The following GNG4 variants were observed in gnomAD, a reference collection of about 807,000 sequenced individuals.
The protein encoded by GNG4 is G protein subunit gamma 4.
GNG4 carries 4 observed loss-of-function variants against 5.8 expected under a neutral mutation model. The ratio of observed to expected loss-of-function variants is 0.69; its 90% confidence interval spans 0.34 to 1.57. The LOEUF is 1.57. Ranked by LOEUF, GNG4 falls within the 40% of genes most tolerant of loss-of-function variation. The probability of loss-of-function intolerance (pLI) is 0.06; values close to 1 mark genes in which losing one functional copy is unlikely to be tolerated. For synonymous variants in GNG4, 29 were observed against 32.9 expected (o/e 0.88, Z 0.41); for missense variants, 96 against 95.1 (o/e 1.01, Z -0.04).
rs549887893 is a variant in GNG4 at position 235,624,386 on chromosome 1, G to A, written c.-123+25276C>T. ...CTCAACCTCCCAAAGTGTTGAGATT[G>A]CAAGTGTGAGCCCCCGTGCCCGGCT... On this transcript the variant is annotated intron_variant, in intron 1 of 3. Coordinates refer to ENST00000391854, the MANE Select transcript of GNG4 (RefSeq NM_001098722.2). Among the ~76,000 whole-genome samples the A allele has an allele frequency of 7.2e-5, 11 of 151,962 alleles. No individual in the cohort carries two copies. In the South Asian group the frequency reaches 2.3e-3, roughly 32 times the overall value.
intron 3 of GNG4, among the ~76,000 whole-genome samples, chr1:235,561,055 G>A: frequency 6.6e-6 from 1 of 152,140 alleles, no homozygotes; most frequent in East Asian, 1.9e-4. Flanking sequence ...CTGTCGCCAG[G>A]CTGCAGTGCA....
At chr1:235,637,836 G>A (rs955785253) in intron 1 of GNG4, among the ~76,000 whole-genome samples, 6 of 152,210 alleles carry the variant, frequency 3.9e-5, no homozygotes, top group Admixed American at 2.0e-4. Flanking sequence ...AGGCGGCACA[G>A]TCTGTATGGG....
chr1:235,609,867 C>G (rs1688441666), intron 1 of GNG4, among the ~76,000 whole-genome samples: 1 of 151,544 alleles, frequency 6.6e-6, no homozygotes, highest in Non-Finnish European at 1.5e-5. Flanking sequence ...AGAGCGAGAC[C>G]CTGTCTCAAA....
At chr1:235,592,173 G>A (rs945195079) in intron 2 of GNG4, among the ~76,000 whole-genome samples, 1 of 152,118 alleles carries the variant, frequency 6.6e-6, no homozygotes, top group Non-Finnish European at 1.5e-5. Context: ...AGATGAGGGG[G>A]AACTGAGGAC....
intron 3 of GNG4, among the ~76,000 whole-genome samples, chr1:235,580,028 G>A (rs1417256309): frequency 2.0e-5 from 3 of 152,162 alleles, no homozygotes; most frequent in African/African-American, 7.2e-5. Flanking sequence ...TCCATCAATG[G>A]ATGAATGGAT....
At chr1:235,575,027 G>A (rs1339826042) in intron 3 of GNG4, among the ~76,000 whole-genome samples, 2 of 152,032 alleles carry the variant, frequency 1.3e-5, no homozygotes, top group Non-Finnish European at 2.9e-5. Flanking sequence ...ATTTCACCAC[G>A]TTGGCCAGGC....
At chr1:235,635,294 C>T (rs138669434) in intron 1 of GNG4, among the ~76,000 whole-genome samples, 62 of 151,854 alleles carry the variant, frequency 4.1e-4, no homozygotes, top group African/African-American at 1.4e-3. Flanking sequence ...GTCAGCAGTT[C>T]GAGACCAGCC....
At chr1:235,589,908 T>C (rs1251363231) in intron 2 of GNG4, among the ~76,000 whole-genome samples, 1 of 152,136 alleles carries the variant, frequency 6.6e-6, no homozygotes, top group Non-Finnish European at 1.5e-5. Flanking sequence ...CAGGCCATAT[T>C]TGTTGGGTCA....
At position 235,580,752 on chromosome 1, in the gene GNG4, T is replaced by G. The variant is rs568727145; in HGVS notation, c.99+2988A>C. Among the ~76,000 whole-genome samples the G allele has an allele frequency of 4.8e-3, 708 of 146,694 alleles. 13 individuals carry two copies. Among genetic ancestry groups the G allele is most frequent in the African/African-American group, 0.015 (612 of 39,568 alleles). On this transcript the variant is annotated intron_variant, in intron 3 of 3. Transcript: ENST00000391854. ...GCGGCCTATCCCGTTTTTTGTTTTT[T>G]TTTTTTTTTTTTTCCTGAGATGGGG...
At chr1:235,618,660 G>GTT (rs1280912368) in intron 1 of GNG4, among the ~76,000 whole-genome samples, 15 of 140,014 alleles carry the variant, frequency 1.1e-4, no homozygotes, top group African/African-American at 1.6e-4. Flanking sequence ...TAATCTTTTT[G>GTT]TTTTTTTTTT....
At chr1:235,554,275 C>T (rs1405428264) in intron 3 of GNG4, among the ~76,000 whole-genome samples, 4 of 152,208 alleles carry the variant, frequency 2.6e-5, no homozygotes, top group Non-Finnish European at 5.9e-5. Context: ...GTGATGACCT[C>T]CTTAGTTTCC....
intron 1 of GNG4, among the ~76,000 whole-genome samples, chr1:235,608,918 A>T (rs754505799): frequency 2.6e-5 from 4 of 152,034 alleles, no homozygotes; most frequent in Non-Finnish European, 5.9e-5. Flanking sequence ...TCCTGAGCTG[A>T]GGTGATCCAC....
chr1:235,606,916 T>TTCCC (rs1255462280), intron 1 of GNG4, among the ~76,000 whole-genome samples: 19 of 150,980 alleles, frequency 1.3e-4, no homozygotes, highest in Admixed American at 8.6e-4. Context: ...CCTTCCTTCC[T>TTCCC]TCCCTCCCTC....
intron 3 of GNG4, among the ~76,000 whole-genome samples, chr1:235,558,969 A>C (rs995612526): frequency 6.6e-6 from 1 of 152,254 alleles, no homozygotes; most frequent in African/African-American, 2.4e-5. Flanking sequence ...TGTTAGTTGC[A>C]CTATAATTAC....
At chr1:235,583,050 C>T (rs1687676316) in intron 3 of GNG4, among the ~76,000 whole-genome samples, 1 of 152,176 alleles carries the variant, frequency 6.6e-6, no homozygotes, top group Non-Finnish European at 1.5e-5. Flanking sequence ...TTCCCCAAGA[C>T]CACAGACACA....
intron 3 of GNG4, among the ~76,000 whole-genome samples, chr1:235,576,060 C>CTT (rs58409885): frequency 2.7e-5 from 3 of 112,946 alleles, no homozygotes; most frequent in East Asian, 2.8e-4. Flanking sequence ...CATATATGTA[C>CTT]TTTTTTTTTT....
At chr1:235,639,064 C>A (rs1039278969) in intron 1 of GNG4, among the ~76,000 whole-genome samples, 5 of 152,208 alleles carry the variant, frequency 3.3e-5, no homozygotes, top group African/African-American at 9.7e-5. Flanking sequence ...CCAGCAGCAT[C>A]CCCCACCTTC....
At chr1:235,623,420 C>G (rs1157467863) in intron 1 of GNG4, among the ~76,000 whole-genome samples, 3 of 152,192 alleles carry the variant, frequency 2.0e-5, no homozygotes, top group Admixed American at 2.0e-4. Context: ...GTAAAGGACA[C>G]TCCCATCCAC....
At chr1:235,631,168 G>C (rs940182727) in intron 1 of GNG4, among the ~76,000 whole-genome samples, 1 of 152,090 alleles carries the variant, frequency 6.6e-6, no homozygotes, top group Non-Finnish European at 1.5e-5. Context: ...CAAAGTGCTG[G>C]GATTACAGGT....
Sources: gnomAD v4.1 joint callset for allele counts (sites outside exome capture counted in the v4.1 genomes callset) on GRCh38, gnomAD v4.1.1 for gene constraint, MANE v1.5 for transcripts, NCBI Gene and HGNC (gene_info 2026-07-23, HGNC 2026-07-21) for gene names.